The following DLGAP2 variants were observed in gnomAD, a reference collection of about 807,000 sequenced individuals.
DLGAP2 encodes DLG associated protein 2.
In DLGAP2, 26 loss-of-function variants were observed where a neutral mutation model predicts 100.3. That is an observed-to-expected ratio of 0.26 (90% CI 0.19 to 0.36). The LOEUF (loss-of-function observed/expected upper bound fraction) is 0.36, where lower values mean the gene tolerates loss of function less well. DLGAP2 is among the 10% of genes least tolerant of loss of function. DLGAP2 has a pLI of 1.00. For missense variants in DLGAP2, 1,858 were observed against 1,453.2 expected (o/e 1.28, Z -4.53); for synonymous variants, 886 against 630.1 (o/e 1.41, Z -6.08).
At chr8:1,585,082 C>T (rs1002632533) in intron 6 of DLGAP2, among the ~76,000 whole-genome samples, 3 of 152,160 alleles carry the variant, frequency 2.0e-5, no homozygotes, top group African/African-American at 7.2e-5. Flanking sequence ...ACTTCAACAT[C>T]TAGTTTTTGG....
intron 3 of DLGAP2, among the ~76,000 whole-genome samples, chr8:1,341,329 A>G (rs934000194): frequency 2.0e-5 from 3 of 152,200 alleles, no homozygotes; most frequent in African/African-American, 4.8e-5. Flanking sequence ...GCATTTTTCA[A>G]CAGAGACGTG....
At chr8:1,208,623 G>A (rs978488654) in intron 2 of DLGAP2, among the ~76,000 whole-genome samples, 2 of 151,862 alleles carry the variant, frequency 1.3e-5, no homozygotes, top group Non-Finnish European at 2.9e-5. Context: ...AGAAGTCCTA[G>A]CCAGAGCAAT....
intron 3 of DLGAP2, among the ~76,000 whole-genome samples, chr8:1,327,496 T>G (rs1451079836): frequency 1.3e-5 from 2 of 152,194 alleles, no homozygotes; most frequent in East Asian, 3.9e-4. Flanking sequence ...GGAAAATAGA[T>G]CCAGAGAAGT....
chr8:1,417,712 T>A (rs1796964322), intron 3 of DLGAP2, among the ~76,000 whole-genome samples: 1 of 146,530 alleles, frequency 6.8e-6, no homozygotes, highest in East Asian at 2.0e-4. Flanking sequence ...CCTGCCTCAC[T>A]CGGCGAGGCT....
At chr8:951,465 G>T (rs1027479166) in intron 2 of DLGAP2, among the ~76,000 whole-genome samples, 1 of 152,068 alleles carries the variant, frequency 6.6e-6, no homozygotes, top group African/African-American at 2.4e-5. Flanking sequence ...TGGCCAGGTG[G>T]GTCTTGAACT....
Position 1,317,386 on chromosome 8 carries a change from C to G in DLGAP2, c.106+58503C>G, listed in dbSNP as rs185025374. On this transcript the variant is annotated intron_variant, in intron 3 of 14. Coordinates refer to ENST00000637795, the MANE Select transcript of DLGAP2 (RefSeq NM_001346810.2). The stretch of plus-strand genomic sequence containing the variant: ...AACTCGGCAGCTTTTAAAAATAGAG[C>G]CTGTGCGAGTGCAGCGTCTCTCCAA... Among the ~76,000 whole-genome samples, 340 of 95,700 alleles carry G rather than the reference C, an allele frequency of 3.6e-3. 3 individuals are homozygous for G. The highest frequency in any genetic ancestry group is 6.4e-3 in the Admixed American group (51 of 7,974). 62.8% of individuals were successfully genotyped at this position (95,700 alleles called of 152,430 possible).
intron 2 of DLGAP2, among the ~76,000 whole-genome samples, chr8:1,257,735 G>C (rs1799258420): frequency 1.3e-5 from 2 of 151,986 alleles, no homozygotes; most frequent in South Asian, 2.1e-4. Context: ...GGCCCGTGCA[G>C]GCCAGCGCTG....
At chr8:1,501,271 A>T in intron 3 of DLGAP2, 95 bp from the exon 4 acceptor site, 1 of 1,296,692 alleles carries the variant, frequency 7.7e-7, no homozygotes, top group Non-Finnish European at 1.1e-6. Flanking sequence ...TCATGTTTGA[A>T]CTGTTGAGTG....
rs111313552 is a variant in DLGAP2 at position 1,170,430 on chromosome 8, G to A, written c.74-88421G>A. Among the ~76,000 whole-genome samples the A allele has an allele frequency of 5.6e-3, 854 of 152,172 alleles. 9 individuals carry two copies. The highest frequency in any genetic ancestry group is 0.018 in the African/African-American group (758 of 41,486). ...GTTAGGGAGGATTCCCTCTTTTTCT[G>A]TTGATTGGAATAGTTTCAGAAGCAA... is the stretch of plus-strand genomic sequence containing the variant. On this transcript the variant is annotated intron_variant, in intron 2 of 14. Transcript: ENST00000637795.
chr8:977,770 T>C (rs868002753), intron 2 of DLGAP2, among the ~76,000 whole-genome samples: 11,422 of 103,886 alleles, frequency 0.11, 906 homozygotes, highest in Non-Finnish European at 0.14. Flanking sequence ...TCTTTGGTGT[T>C]GTGGGGAGGG....
At chr8:1,511,454 G>A (rs978835321) in intron 4 of DLGAP2, among the ~76,000 whole-genome samples, 1 of 151,192 alleles carries the variant, frequency 6.6e-6, no homozygotes, top group African/African-American at 2.4e-5. Flanking sequence ...TTCCATGGAC[G>A]TAAGGGCTGT....
rs115396592 is a variant in DLGAP2 at position 1,055,270 on chromosome 8, C to T, written c.73+147304C>T. On this transcript the variant is annotated intron_variant, in intron 2 of 14. Coordinates refer to ENST00000637795, the MANE Select transcript of DLGAP2 (RefSeq NM_001346810.2). The stretch of plus-strand genomic sequence containing the variant: ...CCTGATGAGCTCTATTTTCTTGAAA[C>T]AGAAGATGAGTGCATTAAGAACTGT... 8.8e-3 allele frequency among the ~76,000 whole-genome samples: 1,344 copies of T among 152,288 alleles called. 22 individuals are homozygous for T. Among genetic ancestry groups the T allele is most frequent in the African/African-American group, 0.03 (1,233 of 41,560 alleles).
At chr8:1,052,225 G>A (rs1307626316) in intron 2 of DLGAP2, among the ~76,000 whole-genome samples, 1 of 152,138 alleles carries the variant, frequency 6.6e-6, no homozygotes, top group Non-Finnish European at 1.5e-5. Context: ...TCTCATGCAT[G>A]TAGACAGTTC....
intron 2 of DLGAP2, among the ~76,000 whole-genome samples, chr8:1,025,074 ATG>A (rs956983347): frequency 2.0e-5 from 3 of 150,340 alleles, no homozygotes; most frequent in Admixed American, 1.3e-4. Flanking sequence ...ATGTGTGTGC[ATG>A]TGTGTGTGCG....
chr8:812,241 G>A (rs551568394), intron 1 of DLGAP2, among the ~76,000 whole-genome samples: 31 of 152,306 alleles, frequency 2.0e-4, no homozygotes, highest in East Asian at 1.2e-3. Context: ...TTCGAAGGCC[G>A]TCTGGAGGTG....
intron 3 of DLGAP2, among the ~76,000 whole-genome samples, chr8:1,416,671 C>G (rs948181631): frequency 6.6e-5 from 10 of 152,060 alleles, no homozygotes; most frequent in African/African-American, 1.4e-4. Flanking sequence ...GTTGACATTT[C>G]AATCCAAAGT....
At chr8:1,040,615 C>A (rs1368202648) in intron 2 of DLGAP2, among the ~76,000 whole-genome samples, 1 of 141,584 alleles carries the variant, frequency 7.1e-6, no homozygotes, top group Non-Finnish European at 1.5e-5. Context: ...GCTCGGTGTG[C>A]GTGGTCGGCT....
intron 3 of DLGAP2, among the ~76,000 whole-genome samples, chr8:1,263,531 G>T (rs536710160): frequency 6.6e-6 from 1 of 152,128 alleles, no homozygotes; most frequent in Non-Finnish European, 1.5e-5. Flanking sequence ...GAAAGTTTTC[G>T]TGCAGTTAGT....
chr8:1,357,269 G>A (rs547794184), intron 3 of DLGAP2, among the ~76,000 whole-genome samples: 1 of 152,072 alleles, frequency 6.6e-6, no homozygotes, highest in Admixed American at 6.6e-5. Context: ...CGGAGAAGGG[G>A]TGTCCTTCAG....
Sources: gnomAD v4.1 joint callset for allele counts (sites outside exome capture counted in the v4.1 genomes callset) on GRCh38, gnomAD v4.1.1 for gene constraint, MANE v1.5 for transcripts, NCBI Gene and HGNC (gene_info 2026-07-23, HGNC 2026-07-21) for gene names.